EPHA6: variants seen among roughly 807,000 people sequenced by gnomAD.
EPHA6 encodes ephrin type-A receptor 6.
EPHA6 carries 50 observed loss-of-function variants against 112.0 expected under a neutral mutation model. The observed-to-expected ratio is 0.45, with a 90% confidence interval of 0.36 to 0.56. The LOEUF is 0.56. EPHA6 is among the 20% of genes least tolerant of loss of function. EPHA6 has a pLI of 0.00. For missense variants in EPHA6, 1,280 were observed against 1,417.4 expected, an observed-to-expected ratio of 0.90 and a Z score of 1.56; for synonymous variants, 529 against 490.7, an observed-to-expected ratio of 1.08 and a Z score of -1.03.
chr3:97,040,095 G>A (rs1335531853), intron 3 of EPHA6, among the ~76,000 whole-genome samples: 2 of 150,948 alleles, frequency 1.3e-5, no homozygotes, highest in Non-Finnish European at 3.0e-5. Flanking sequence ...ATAAAATAAT[G>A]ATTATTATAA....
intron 3 of EPHA6, among the ~76,000 whole-genome samples, chr3:97,086,145 G>T (rs1052982775): frequency 6.6e-6 from 1 of 151,672 alleles, no homozygotes; most frequent in Non-Finnish European, 1.5e-5. Flanking sequence ...ATGTTGGTCA[G>T]GCTGGTCTGG....
intron 2 of EPHA6, among the ~76,000 whole-genome samples, chr3:96,926,920 A>T (rs865895349): frequency 8.5e-5 from 13 of 152,200 alleles, no homozygotes; most frequent in African/African-American, 2.7e-4. Context: ...TGCACTAGGC[A>T]GTGCCCCAGT....
chr3:97,547,867 A>G (rs908300364), intron 11 of EPHA6, among the ~76,000 whole-genome samples: 1 of 152,210 alleles, frequency 6.6e-6, no homozygotes, highest in Non-Finnish European at 1.5e-5. Context: ...CCTCCAAGCC[A>G]TGTGTGGGAT....
At chr3:96,888,429 C>T (rs922978990) in intron 2 of EPHA6, among the ~76,000 whole-genome samples, 1 of 152,120 alleles carries the variant, frequency 6.6e-6, no homozygotes, top group African/African-American at 2.4e-5. Context: ...CACCTGGGTC[C>T]TGCAGGAGCA....
intron 15 of EPHA6, among the ~76,000 whole-genome samples, chr3:97,726,504 A>G (rs1057082042): frequency 3.9e-5 from 6 of 152,138 alleles, no homozygotes; most frequent in Non-Finnish European, 8.8e-5. Context: ...TACCGTTACT[A>G]TATTTCTTAA....
chr3:97,294,467 T>G (rs1043802426), intron 5 of EPHA6, among the ~76,000 whole-genome samples: 2 of 151,278 alleles, frequency 1.3e-5, no homozygotes, highest in Non-Finnish European at 2.9e-5. Context: ...TTTTTAAAAT[T>G]CATTCAACCA....
At chr3:97,652,610 C>G (rs1370397595) in intron 14 of EPHA6, among the ~76,000 whole-genome samples, 1 of 151,818 alleles carries the variant, frequency 6.6e-6, no homozygotes, top group African/African-American at 2.4e-5. Flanking sequence ...TAGTACTGGC[C>G]CTTTCACTTT....
At chr3:97,139,350 G>A (rs2075840350) in intron 3 of EPHA6, among the ~76,000 whole-genome samples, 1 of 152,146 alleles carries the variant, frequency 6.6e-6, no homozygotes, top group South Asian at 2.1e-4. Flanking sequence ...CCATTGTATA[G>A]CACTAAGCCA....
At chr3:97,357,859 G>C (rs2084164667) in intron 5 of EPHA6, among the ~76,000 whole-genome samples, 1 of 152,120 alleles carries the variant, frequency 6.6e-6, no homozygotes, top group Non-Finnish European at 1.5e-5. Flanking sequence ...AATATATTTA[G>C]TATTCCTTAA....
chr3:97,550,066 T>C (rs962675047), intron 11 of EPHA6, among the ~76,000 whole-genome samples: 1 of 152,156 alleles, frequency 6.6e-6, no homozygotes, highest in Admixed American at 6.6e-5. Context: ...GGATGAAACC[T>C]CCCTATTCTG....
chr3:97,613,865 A>G (rs974531877), intron 13 of EPHA6, among the ~76,000 whole-genome samples: 12 of 152,128 alleles, frequency 7.9e-5, no homozygotes, highest in Admixed American at 7.9e-4. Context: ...ATTTTCTCTA[A>G]TTTCACTAAA....
chr3:96,822,019 A>G (rs1382730111), intron 1 of EPHA6, among the ~76,000 whole-genome samples: 1 of 151,912 alleles, frequency 6.6e-6, no homozygotes, highest in Admixed American at 6.6e-5. Flanking sequence ...GAAAGGGAAG[A>G]GAGTAAAGAA....
intron 1 of EPHA6, among the ~76,000 whole-genome samples, chr3:96,823,763 A>G (rs1207771468): frequency 2.0e-5 from 3 of 151,888 alleles, no homozygotes; most frequent in African/African-American, 7.2e-5. Flanking sequence ...GTAGAATACT[A>G]GAACATTTAA....
intron 3 of EPHA6, among the ~76,000 whole-genome samples, chr3:97,222,285 A>G (rs1212304858): frequency 6.6e-6 from 1 of 152,102 alleles, no homozygotes; most frequent in Non-Finnish European, 1.5e-5. Flanking sequence ...CTAACAACAG[A>G]ATTCTTTATT....
intron 14 of EPHA6, among the ~76,000 whole-genome samples, chr3:97,668,335 T>A (rs1670301296): frequency 6.6e-6 from 1 of 152,108 alleles, no homozygotes; most frequent in African/African-American, 2.4e-5. Flanking sequence ...ACATCTTGCC[T>A]GAAAAAGCGT....
At chr3:97,612,131 A>C (rs1023343119) in intron 13 of EPHA6, among the ~76,000 whole-genome samples, 1 of 152,052 alleles carries the variant, frequency 6.6e-6, no homozygotes, top group African/African-American at 2.4e-5. Context: ...CATTCTAAAA[A>C]TGTGTTATTT....
chr3:97,677,495 C>A (rs113914439), intron 14 of EPHA6, among the ~76,000 whole-genome samples: 10 of 151,650 alleles, frequency 6.6e-5, no homozygotes, highest in South Asian at 4.2e-4. Flanking sequence ...CCAAGGTGGG[C>A]GGATCACCTG....
chr3:97,718,275 G>T (rs896774312), intron 14 of EPHA6, among the ~76,000 whole-genome samples: 1 of 152,112 alleles, frequency 6.6e-6, no homozygotes, highest in African/African-American at 2.4e-5. Flanking sequence ...ACAAGTAGAG[G>T]TATCCTTACC....
At chr3:96,887,893 C>T (rs2037723648) in intron 2 of EPHA6, among the ~76,000 whole-genome samples, 1 of 151,984 alleles carries the variant, frequency 6.6e-6, no homozygotes, top group African/African-American at 2.4e-5. Context: ...AGTCACAAGC[C>T]TCACCCAGCT....
Sources: gnomAD v4.1 joint callset for allele counts (sites outside exome capture counted in the v4.1 genomes callset) on GRCh38, gnomAD v4.1.1 for gene constraint, MANE v1.5 for transcripts, NCBI Gene and HGNC (gene_info 2026-07-23, HGNC 2026-07-21) for gene names.